GABRB3: variants seen among roughly 807,000 people sequenced by gnomAD.
The protein encoded by GABRB3 is gamma-aminobutyric acid type A receptor subunit beta3, also known as gamma-aminobutyric acid receptor subunit beta-3.
GABRB3 carries 14 observed loss-of-function variants against 52.1 expected under a neutral mutation model. That is an observed-to-expected ratio of 0.27 (90% CI 0.18 to 0.42). The LOEUF is 0.42. GABRB3 is among the 10% of genes least tolerant of loss of function. The pLI is 1.00. For missense variants in GABRB3, 307 were observed against 609.1 expected (o/e 0.50, Z 5.22); for synonymous variants, 260 against 232.3 (o/e 1.12, Z -1.08).
Position 26,671,875 on chromosome 15 carries a change from T to C in GABRB3, c.241-50341A>G, listed in dbSNP as rs184318164. ...ACGCAGGGAATTCTGTTTTCTCTCC[T>C]AGTCACTGTCTCAAAGAGTTTGAGC... On this transcript the variant is annotated intron_variant, in intron 3 of 8. Coordinates refer to ENST00000311550, the MANE Select transcript of GABRB3 (RefSeq NM_000814.6). Among the ~76,000 whole-genome samples the C allele has an allele frequency of 4.4e-3, 670 of 152,274 alleles. 3 individuals are homozygous for C. Among genetic ancestry groups the C allele is most frequent in the Non-Finnish European group, 5.6e-3 (384 of 68,012 alleles).
chr15:26,731,363 C>A (rs750782880), intron 3 of GABRB3, among the ~76,000 whole-genome samples: 6 of 152,212 alleles, frequency 3.9e-5, no homozygotes, highest in Non-Finnish European at 5.9e-5. Flanking sequence ...GTATACAGTT[C>A]TTGCCAGAAT....
intron 3 of GABRB3, among the ~76,000 whole-genome samples, chr15:26,685,794 A>T (rs1888383731): frequency 7.4e-6 from 1 of 135,858 alleles, no homozygotes. Flanking sequence ...CAGTAGTAAG[A>T]TGGTCTTTTT....
intron 3 of GABRB3, chr15:26,716,599 A>G: frequency 1.0e-6 from 1 of 991,558 alleles, no homozygotes; most frequent in Non-Finnish European, 1.2e-6. Flanking sequence ...CAACTTGTGA[A>G]TCCCACTTAC....
At chr15:26,572,115 T>G (rs894160577) in intron 6 of GABRB3, among the ~76,000 whole-genome samples, 1 of 150,938 alleles carries the variant, frequency 6.6e-6, no homozygotes, top group East Asian at 1.9e-4. Flanking sequence ...ATCCGGCGCA[T>G]GCCCCACACA....
intron 3 of GABRB3, among the ~76,000 whole-genome samples, chr15:26,750,991 CT>C (rs143035787): frequency 1.3e-5 from 2 of 152,094 alleles, no homozygotes; most frequent in African/African-American, 2.4e-5. Context: ...GTATTTGGCC[CT>C]TTTTTTCCTC....
intron 8 of GABRB3, among the ~76,000 whole-genome samples, chr15:26,554,053 A>T: frequency 2.8e-5 from 3 of 108,936 alleles, no homozygotes; most frequent in Non-Finnish European, 3.8e-5. Flanking sequence ...ATTTATATTT[A>T]TTTATATATA....
At chr15:26,593,695 T>C (rs1376027391) in intron 4 of GABRB3, among the ~76,000 whole-genome samples, 1 of 152,158 alleles carries the variant, frequency 6.6e-6, no homozygotes, top group African/African-American at 2.4e-5. Context: ...GGATATACCA[T>C]ATTTTATTTA....
chr15:26,635,227 A>G (rs994280510), intron 3 of GABRB3, among the ~76,000 whole-genome samples: 3 of 151,432 alleles, frequency 2.0e-5, no homozygotes, highest in African/African-American at 7.3e-5. Flanking sequence ...CCTCATCTCC[A>G]TATTTCAAAG....
chr15:26,743,357 G>A (rs1890259808), intron 3 of GABRB3, among the ~76,000 whole-genome samples: 1 of 152,130 alleles, frequency 6.6e-6, no homozygotes. Flanking sequence ...TTTCAGGTAG[G>A]AGTTGAATCC....
chr15:26,616,671 T>C (rs1334021402), intron 4 of GABRB3, among the ~76,000 whole-genome samples: 4 of 151,964 alleles, frequency 2.6e-5, no homozygotes, highest in African/African-American at 9.7e-5. Flanking sequence ...TTGAGAGGCA[T>C]GATGGATATA....
intron 4 of GABRB3, among the ~76,000 whole-genome samples, chr15:26,599,576 C>A (rs530323067): frequency 6.6e-6 from 1 of 152,222 alleles, no homozygotes; most frequent in Non-Finnish European, 1.5e-5. Flanking sequence ...GCACAGTCAG[C>A]AGCTTCATTC....
intron 3 of GABRB3, among the ~76,000 whole-genome samples, chr15:26,742,366 C>T (rs1890230313): frequency 7.4e-6 from 1 of 135,944 alleles, no homozygotes; most frequent in African/African-American, 2.6e-5. Flanking sequence ...TCTTTAGTTT[C>T]TGGTCTATGA....
In GABRB3 at chr15:26,546,156, A is replaced by G. The variant is rs1889231567; in HGVS notation, c.*1637T>C. On this transcript the variant is annotated 3_prime_UTR_variant, in exon 9 of 9. Transcript: ENST00000311550. ...CATACGTGGCATTTTGGGATAAAGTATTAATTTAGCAGTTCTTCCTGCAAA... is the reference window on the plus strand; with the variant it reads ...CATACGTGGCATTTTGGGATAAAGTGTTAATTTAGCAGTTCTTCCTGCAAA... The G allele has an allele frequency of 6.6e-6, 1 of 152,570 alleles. No homozygotes were observed. The highest frequency in any genetic ancestry group is 2.4e-5 in the African/African-American group (1 of 41,448). The allele number at this position is 152,570 out of a possible 1,614,324, so 9.5% of individuals were successfully genotyped here. A position where few individuals can be genotyped will look rare whatever the true frequency, so the allele number is the denominator to read the frequency against.
chr15:26,601,602 A>G (rs1360972623), intron 4 of GABRB3, among the ~76,000 whole-genome samples: 2 of 152,190 alleles, frequency 1.3e-5, no homozygotes, highest in Non-Finnish European at 2.9e-5. Flanking sequence ...ATTCAAAAAA[A>G]GAGAAATAAC....
At position 26,737,617 on chromosome 15, in the gene GABRB3, A is replaced by ATGTGTG. The variant is rs138524604; in HGVS notation, c.240+34779_240+34784dup. Among the ~76,000 whole-genome samples the ATGTGTG allele has an allele frequency of 2.0e-4, 30 of 149,394 alleles. 1 individual carries two copies. In the South Asian group the frequency reaches 4.9e-3, roughly 24 times the overall value. ...AAAGTCAATATTTTAATTTACTACA[A>ATGTGTG]TGTGTGTGTGTGTGTGTGTGCGTGT... is the stretch of plus-strand genomic sequence containing the variant. On this transcript the variant is annotated intron_variant, in intron 3 of 8. Coordinates refer to ENST00000311550, the MANE Select transcript of GABRB3 (RefSeq NM_000814.6).
At chr15:26,650,156 T>C (rs542724126) in intron 3 of GABRB3, among the ~76,000 whole-genome samples, 1 of 152,314 alleles carries the variant, frequency 6.6e-6, no homozygotes, top group East Asian at 1.9e-4. Context: ...TCCAGAGCCC[T>C]GTTGGGTGCT....
intron 3 of GABRB3, among the ~76,000 whole-genome samples, chr15:26,763,625 C>T (rs1341090180): frequency 2.0e-5 from 3 of 151,782 alleles, no homozygotes; most frequent in Admixed American, 6.6e-5. Context: ...CACACACACA[C>T]ACACACACAC....
chr15:26,591,306 C>T (rs1891195670), intron 4 of GABRB3, among the ~76,000 whole-genome samples: 1 of 152,296 alleles, frequency 6.6e-6, no homozygotes, highest in Non-Finnish European at 1.5e-5. Flanking sequence ...ATTCTCTTAT[C>T]GCTACGTAGG....
At chr15:26,585,320 A>T (rs959956880) in intron 4 of GABRB3, among the ~76,000 whole-genome samples, 4 of 152,210 alleles carry the variant, frequency 2.6e-5, no homozygotes, top group Non-Finnish European at 4.4e-5. Flanking sequence ...CTTGAAGCCC[A>T]GTGTTGAGCT....
Sources: gnomAD v4.1 joint callset for allele counts (sites outside exome capture counted in the v4.1 genomes callset) on GRCh38, gnomAD v4.1.1 for gene constraint, MANE v1.5 for transcripts, NCBI Gene and HGNC (gene_info 2026-07-23, HGNC 2026-07-21) for gene names.